The following MARCHF8 variants were observed in gnomAD, a reference collection of about 807,000 sequenced individuals.
MARCHF8 encodes E3 ubiquitin-protein ligase MARCHF8.
A neutral mutation model predicts 51.6 loss-of-function variants in MARCHF8; 40 were observed. The observed-to-expected ratio is 0.77, with a 90% CI of 0.60 to 1.01. The LOEUF (loss-of-function observed/expected upper bound fraction) is 1.01, where lower values mean the gene tolerates loss of function less well. MARCHF8 is among the 50% of genes least tolerant of loss of function. The pLI is 0.00. For synonymous variants in MARCHF8, 263 were observed against 280.3 expected (o/e 0.94, Z 0.62); for missense variants, 685 against 708.6 (o/e 0.97, Z 0.38).
chr10:45,475,555 C>A (rs2042772662), intron 3 of MARCHF8, among the ~76,000 whole-genome samples: 2 of 152,206 alleles, frequency 1.3e-5, no homozygotes, highest in South Asian at 4.1e-4. Flanking sequence ...ACCGCCACAT[C>A]TAGCACTCAA....
intron 6 of MARCHF8, among the ~76,000 whole-genome samples, chr10:45,460,459 T>G (rs1842751792): frequency 6.6e-6 from 1 of 152,264 alleles, no homozygotes; most frequent in Non-Finnish European, 1.5e-5. Flanking sequence ...ACTGTTATGC[T>G]CTACCAGCAC....
chr10:45,489,354 A>C lies in MARCHF8; in HGVS notation c.153+13T>G, dbSNP rs1172904382. ...CTCAAGGTAATAAATAACATTTTTC[A>C]GTGGCACTCTACCTTAGAAATGTTG... On this transcript the variant is annotated intron_variant, in intron 3 of 7. Coordinates refer to ENST00000453424, the MANE Select transcript of MARCHF8 (RefSeq NM_001282866.2). The C allele has an allele frequency of 1.9e-6, 3 of 1,604,400 alleles. No homozygotes were observed. The highest frequency in any genetic ancestry group is 1.7e-5 in the Admixed American group (1 of 59,680).
At chr10:45,506,571 A>G (rs2043389995) in intron 2 of MARCHF8, among the ~76,000 whole-genome samples, 1 of 152,222 alleles carries the variant, frequency 6.6e-6, no homozygotes, top group African/African-American at 2.4e-5. Context: ...ACTGGTATCA[A>G]TTTGAATTAA....
intron 2 of MARCHF8, among the ~76,000 whole-genome samples, chr10:45,513,040 A>G (rs2043558081): frequency 6.6e-6 from 1 of 151,156 alleles, no homozygotes; most frequent in South Asian, 2.1e-4. Flanking sequence ...GCTCGTTAAG[A>G]ATCATCACCA....
intron 2 of MARCHF8, among the ~76,000 whole-genome samples, chr10:45,506,790 G>A (rs535702652): frequency 2.7e-4 from 41 of 152,294 alleles, no homozygotes; most frequent in Admixed American, 5.9e-4. Context: ...TTGGGGTGGG[G>A]CAGTTTTATA....
chr10:45,573,177 C>G (rs2044451148), intron 1 of MARCHF8, among the ~76,000 whole-genome samples: 1 of 152,146 alleles, frequency 6.6e-6, no homozygotes, highest in Non-Finnish European at 1.5e-5. Context: ...AGCCCTAGAC[C>G]CTGAAGGGTC....
rs577452230 is a variant in MARCHF8, at chr10:45,528,095, T to C, written c.102+5015A>G. On this transcript the variant is annotated intron_variant, in intron 2 of 7. Coordinates refer to ENST00000453424, the MANE Select transcript of MARCHF8 (RefSeq NM_001282866.2). ...TCAACAACTTGGTGTAGTAGGAACATACCTCAAAATAATAAAACCCATATA... is the reference window on the plus strand; with the variant it reads ...TCAACAACTTGGTGTAGTAGGAACACACCTCAAAATAATAAAACCCATATA... Among the ~76,000 whole-genome samples, 3 of 152,232 alleles carry C rather than the reference T, an allele frequency of 2.0e-5. No individual in the cohort carries two copies. The East Asian group carries it at 5.8e-4, about 29-fold the overall frequency.
At chr10:45,472,912 A>G (rs1280820856) in intron 3 of MARCHF8, among the ~76,000 whole-genome samples, 1 of 152,238 alleles carries the variant, frequency 6.6e-6, no homozygotes, top group African/African-American at 2.4e-5. Context: ...TTTGTCACTT[A>G]GGAATAAATA....
In MARCHF8 at chr10:45,455,910, T is replaced by C. The variant is rs1238685776; in HGVS notation, c.*2329A>G. 1 of 152,298 alleles carries C rather than the reference T, an allele frequency of 6.6e-6. No individual in the cohort carries two copies. The highest frequency in any genetic ancestry group is 1.5e-5 in the Non-Finnish European group (1 of 68,110). 9.4% of individuals were successfully genotyped at this position (152,298 alleles called of 1,614,324 possible). ...GCTGGGCATGGGAGGGATACAGGGCTCAGTTATCAAGGCACCTTTGCCATA... is the reference window on the plus strand; with the variant it reads ...GCTGGGCATGGGAGGGATACAGGGCCCAGTTATCAAGGCACCTTTGCCATA... On this transcript the variant is annotated 3_prime_UTR_variant, in exon 8 of 8. Coordinates refer to ENST00000453424, the MANE Select transcript of MARCHF8 (RefSeq NM_001282866.2).
At chr10:45,511,872 G>A (rs541740945) in intron 2 of MARCHF8, among the ~76,000 whole-genome samples, 17 of 147,474 alleles carry the variant, frequency 1.2e-4, no homozygotes, top group East Asian at 8.3e-4. Flanking sequence ...GCCGCCCATC[G>A]TCTGGGACGT....
chr10:45,505,345 G>C (rs77456171), intron 2 of MARCHF8, among the ~76,000 whole-genome samples: 1 of 152,228 alleles, frequency 6.6e-6, no homozygotes, highest in African/African-American at 2.4e-5. Flanking sequence ...GAGACTGCCT[G>C]ACTTCACTTG....
At chr10:45,519,146 G>A (rs189215179) in intron 2 of MARCHF8, among the ~76,000 whole-genome samples, 4 of 152,276 alleles carry the variant, frequency 2.6e-5, no homozygotes, top group Admixed American at 6.5e-5. Context: ...AGTGCCATTC[G>A]TAAAGGATTG....
At chr10:45,481,089 C>T (rs1589101205) in intron 3 of MARCHF8, among the ~76,000 whole-genome samples, 1 of 152,242 alleles carries the variant, frequency 6.6e-6, no homozygotes, top group Non-Finnish European at 1.5e-5. Context: ...AAGGAGATCA[C>T]TTTGGAGCTT....
intron 1 of MARCHF8, among the ~76,000 whole-genome samples, chr10:45,567,862 A>T (rs1230778836): frequency 1.3e-5 from 2 of 152,092 alleles, no homozygotes; most frequent in Non-Finnish European, 2.9e-5. Flanking sequence ...TAATCTGTAG[A>T]CTGCTTTGGG....
intron 2 of MARCHF8, among the ~76,000 whole-genome samples, chr10:45,521,689 A>C (rs530854804): frequency 6.6e-6 from 1 of 152,286 alleles, no homozygotes; most frequent in Admixed American, 6.5e-5. Context: ...ATTTCGTATA[A>C]TTTACTATTT....
At chr10:45,538,071 G>A (rs2043998650), upstream of MARCHF8, among the ~76,000 whole-genome samples, 1 of 152,126 alleles carries the variant, frequency 6.6e-6, no homozygotes, top group South Asian at 2.1e-4. Context: ...AGAGTACAAA[G>A]GTTGGGTTAC....
intron 2 of MARCHF8, among the ~76,000 whole-genome samples, chr10:45,506,146 T>C (rs566945884): frequency 7.6e-4 from 116 of 152,354 alleles, no homozygotes; most frequent in Non-Finnish European, 1.3e-3. Flanking sequence ...AACAGAATAT[T>C]CCTAAATTTC....
At chr10:45,459,050 C>A (rs1458023071) in intron 7 of MARCHF8, 70 bp downstream of exon 7, 1 of 1,588,062 alleles carries the variant, frequency 6.3e-7, no homozygotes, top group Non-Finnish European at 8.5e-7. Flanking sequence ...ACTGGAAAAT[C>A]CTCTGACCCC....
chr10:45,491,375 T>G (rs1050848331), intron 2 of MARCHF8, among the ~76,000 whole-genome samples: 1 of 152,100 alleles, frequency 6.6e-6, no homozygotes, highest in African/African-American at 2.4e-5. Flanking sequence ...CCGTCTCTAC[T>G]AAAAATACAA....
Sources: allele counts gnomAD v4.1 joint callset (sites outside exome capture counted in the v4.1 genomes callset), GRCh38; gene constraint gnomAD v4.1.1; transcripts MANE v1.5; gene names NCBI Gene and HGNC (gene_info 2026-07-23, HGNC 2026-07-21).